CADM2: variants seen among roughly 807,000 people sequenced by gnomAD.
CADM2 encodes the protein immunoglobulin superfamily member 4D.
Under a neutral mutation model 49.8 loss-of-function variants are expected in CADM2, and 12 were observed. The observed-to-expected ratio is 0.24, with a 90% CI of 0.15 to 0.39. The LOEUF (loss-of-function observed/expected upper bound fraction) is 0.39. Among genes scored for constraint, CADM2 ranks in the 10% least tolerant of loss-of-function variants. The pLI, the probability that CADM2 is intolerant of heterozygous loss-of-function variation, is 1.00. For missense variants in CADM2, 378 were observed against 492.3 expected (o/e 0.77, Z 2.20); for synonymous variants, 214 against 175.4 (o/e 1.22, Z -1.74).
chr3:85,634,173 C>A (rs1405893071), intron 1 of CADM2, among the ~76,000 whole-genome samples: 1 of 151,952 alleles, frequency 6.6e-6, no homozygotes, highest in African/African-American at 2.4e-5. Context: ...AATGAAGTAA[C>A]TAGGTATAAA....
intron 7 of CADM2, among the ~76,000 whole-genome samples, chr3:85,946,048 A>G (rs1281168914): frequency 1.3e-5 from 2 of 152,090 alleles, no homozygotes; most frequent in African/African-American, 2.4e-5. Context: ...TGAGCCCAAA[A>G]TCTCTTTAAG....
chr3:86,055,451 C>CTTTTTTTTTTT lies in CADM2; in HGVS notation c.971-10136_971-10126dup, dbSNP rs57606781. Among the ~76,000 whole-genome samples, 21 of 87,504 alleles carry CTTTTTTTTTTT rather than the reference C, an allele frequency of 2.4e-4. 1 individual carries two copies. Among genetic ancestry groups the CTTTTTTTTTTT allele is most frequent in the East Asian group, 8.2e-4 (2 of 2,444 alleles). The allele number at this position is 87,504 out of a possible 152,430, so 57.4% of individuals were successfully genotyped here. A position where few individuals can be genotyped will look rare whatever the true frequency, so the allele number is the denominator to read the frequency against. On this transcript the variant is annotated intron_variant, in intron 8 of 9. Coordinates refer to ENST00000383699, the MANE Select transcript of CADM2 (RefSeq NM_001167675.2). ...AGCAATGCAACTCTGGGCATCCCCT[C>CTTTTTTTTTTT]TTTTTTTTTTTTTTTTTTTTTTTTT...
chr3:85,954,755 T>C (rs557482276), intron 7 of CADM2, among the ~76,000 whole-genome samples: 1 of 151,372 alleles, frequency 6.6e-6, no homozygotes, highest in African/African-American at 2.4e-5. Context: ...TTAATTTACA[T>C]TTACTTATCC....
chr3:85,778,832 A>C (rs1318837984), intron 2 of CADM2, among the ~76,000 whole-genome samples: 1 of 151,896 alleles, frequency 6.6e-6, no homozygotes, highest in East Asian at 1.9e-4. Context: ...GTTTCCTTTT[A>C]CTTCTCTATT....
intron 1 of CADM2, among the ~76,000 whole-genome samples, chr3:85,360,830 CG>C: frequency 6.6e-6 from 1 of 152,168 alleles, no homozygotes; most frequent in South Asian, 2.1e-4. Flanking sequence ...TCCTCAGTAC[CG>C]TTGTGTATCT....
At chr3:85,392,469 T>C (rs1317117683) in intron 1 of CADM2, among the ~76,000 whole-genome samples, 8 of 152,112 alleles carry the variant, frequency 5.3e-5, no homozygotes, top group Non-Finnish European at 8.8e-5. Flanking sequence ...ATAAATTTAA[T>C]TTGTTTTCTA....
chr3:85,811,144 A>G (rs942257463), intron 3 of CADM2, among the ~76,000 whole-genome samples: 1 of 152,194 alleles, frequency 6.6e-6, no homozygotes, highest in South Asian at 2.1e-4. Context: ...CAAAATCAGG[A>G]TAATTTCCAT....
intron 1 of CADM2, among the ~76,000 whole-genome samples, chr3:85,648,553 C>G (rs1299990018): frequency 6.6e-6 from 1 of 151,814 alleles, no homozygotes; most frequent in Non-Finnish European, 1.5e-5. Context: ...ATTCTATATG[C>G]CTCTCTTAAA....
chr3:85,196,583 T>C (rs2041349803), intron 1 of CADM2, among the ~76,000 whole-genome samples: 1 of 152,004 alleles, frequency 6.6e-6, no homozygotes, highest in Admixed American at 6.6e-5. Flanking sequence ...GATTGATTTA[T>C]TCTAGAAAAG....
At chr3:85,042,479 T>G (rs2035480284) in intron 1 of CADM2, among the ~76,000 whole-genome samples, 2 of 149,818 alleles carry the variant, frequency 1.3e-5, no homozygotes, top group African/African-American at 4.8e-5. Context: ...TTTTCCACTC[T>G]GCTTTTTTCT....
chr3:85,010,983 T>C (rs916063561), intron 1 of CADM2, among the ~76,000 whole-genome samples: 19 of 147,328 alleles, frequency 1.3e-4, no homozygotes, highest in Non-Finnish European at 2.4e-4. Flanking sequence ...CCTGCCTCAG[T>C]CTCCCGAGTA....
chr3:85,178,613 T>A (rs559059544), intron 1 of CADM2, among the ~76,000 whole-genome samples: 1 of 151,984 alleles, frequency 6.6e-6, no homozygotes, highest in East Asian at 1.9e-4. Context: ...AGATATTTAT[T>A]TTGGTCATGT....
chr3:85,754,962 A>G (rs183846523), intron 2 of CADM2, among the ~76,000 whole-genome samples: 77 of 152,352 alleles, frequency 5.1e-4, no homozygotes, highest in African/African-American at 1.7e-3. Context: ...TTAACAGTAA[A>G]TTAGTCAGAT....
intron 1 of CADM2, among the ~76,000 whole-genome samples, chr3:85,468,985 T>C (rs2038648017): frequency 6.6e-6 from 1 of 152,160 alleles, no homozygotes; most frequent in Non-Finnish European, 1.5e-5. Flanking sequence ...AGACTCTTCA[T>C]GGGGAGGGAA....
At chr3:85,166,675 G>T (rs1263449956) in intron 1 of CADM2, among the ~76,000 whole-genome samples, 2 of 151,854 alleles carry the variant, frequency 1.3e-5, no homozygotes, top group Admixed American at 1.3e-4. Flanking sequence ...AATTCCAAAT[G>T]TTTGCCTACC....
At chr3:85,372,373 ATG>A (rs1200480377) in intron 1 of CADM2, among the ~76,000 whole-genome samples, 3 of 150,490 alleles carry the variant, frequency 2.0e-5, no homozygotes, top group African/African-American at 7.3e-5. Flanking sequence ...GTATATATAT[ATG>A]TGTGTGTGTA....
chr3:85,088,081 A>C (rs1274746472), intron 1 of CADM2, among the ~76,000 whole-genome samples: 2 of 152,104 alleles, frequency 1.3e-5, no homozygotes, highest in Non-Finnish European at 1.5e-5. Context: ...ATGAAACAGA[A>C]TTTTCTGTCT....
At chr3:85,413,624 G>C (rs768480227) in intron 1 of CADM2, among the ~76,000 whole-genome samples, 1 of 152,096 alleles carries the variant, frequency 6.6e-6, no homozygotes, top group South Asian at 2.1e-4. Context: ...AAGAGAGGGC[G>C]GCAGGGAGCC....
At chr3:85,240,325 G>A (rs1240736867) in intron 1 of CADM2, among the ~76,000 whole-genome samples, 2 of 151,338 alleles carry the variant, frequency 1.3e-5, no homozygotes, top group African/African-American at 2.4e-5. Context: ...ATCTATTGGT[G>A]ATAATGCTAT....
Sources: gnomAD v4.1 joint callset for allele counts (sites outside exome capture counted in the v4.1 genomes callset) on GRCh38, gnomAD v4.1.1 for gene constraint, MANE v1.5 for transcripts, NCBI Gene and HGNC (gene_info 2026-07-23, HGNC 2026-07-21) for gene names.